TNR: variants seen among roughly 807,000 people sequenced by gnomAD.
TNR encodes the protein tenascin-R.
TNR carries 45 observed loss-of-function variants against 150.4 expected under a neutral mutation model. That is an observed-to-expected ratio of 0.30 (90% CI 0.24 to 0.38). The LOEUF (loss-of-function observed/expected upper bound fraction) is 0.38, where lower values mean the gene tolerates loss of function less well. Among genes scored for constraint, TNR ranks in the 10% least tolerant of loss-of-function variants. The probability of loss-of-function intolerance (pLI) is 1.00; values close to 1 mark genes in which losing one functional copy is unlikely to be tolerated. For missense variants in TNR, 1,544 were observed against 1,759.1 expected (o/e 0.88, Z 2.19); for synonymous variants, 687 against 678.4 (o/e 1.01, Z -0.20).
At chr1:175,705,611 G>A (rs754786601) in intron 1 of TNR, among the ~76,000 whole-genome samples, 10 of 151,946 alleles carry the variant, frequency 6.6e-5, no homozygotes, top group Admixed American at 1.3e-4. Context: ...GTGTGCGTGC[G>A]TGTGTGTGTA....
At chr1:175,666,405 C>T (rs2101899840) in intron 1 of TNR, among the ~76,000 whole-genome samples, 1 of 152,318 alleles carries the variant, frequency 6.6e-6, no homozygotes, top group East Asian at 1.9e-4. Flanking sequence ...CCCCAGTCTC[C>T]AAACCACCAG....
At chr1:175,389,227 T>C (rs1300558243) in intron 7 of TNR, among the ~76,000 whole-genome samples, 2 of 152,210 alleles carry the variant, frequency 1.3e-5, no homozygotes, top group Non-Finnish European at 2.9e-5. Flanking sequence ...GCAAGGTCTT[T>C]CTGACCATCT....
intron 2 of TNR, among the ~76,000 whole-genome samples, chr1:175,455,697 G>A (rs966553346): frequency 6.6e-6 from 1 of 152,206 alleles, no homozygotes; most frequent in Admixed American, 6.5e-5. Context: ...CAGACAAAAT[G>A]GGAGACATTC....
At chr1:175,411,673 T>C (rs1184506207) in intron 2 of TNR, among the ~76,000 whole-genome samples, 1 of 151,684 alleles carries the variant, frequency 6.6e-6, no homozygotes, top group Non-Finnish European at 1.5e-5. Context: ...TTTCTTCATA[T>C]AGTTGTCTTC....
chr1:175,495,765 A>T (rs1658460042), intron 2 of TNR, among the ~76,000 whole-genome samples: 1 of 152,214 alleles, frequency 6.6e-6, no homozygotes, highest in Admixed American at 6.5e-5. Context: ...GCAGAGTGGT[A>T]CTCATGATAT....
chr1:175,442,173 T>G (rs1655819511), intron 2 of TNR, among the ~76,000 whole-genome samples: 1 of 152,182 alleles, frequency 6.6e-6, no homozygotes, highest in Non-Finnish European at 1.5e-5. Context: ...ATTGACCTCC[T>G]TTTTTTAATA....
intron 1 of TNR, among the ~76,000 whole-genome samples, chr1:175,696,217 G>GTTTTTT (rs5778870): frequency 1.7e-4 from 7 of 40,458 alleles, no homozygotes; most frequent in African/African-American, 5.3e-4. Context: ...CCTTCCTGTA[G>GTTTTTT]TTTTTTTTTT....
chr1:175,554,016 T>G (rs1182025048), intron 1 of TNR, among the ~76,000 whole-genome samples: 1 of 152,138 alleles, frequency 6.6e-6, no homozygotes, highest in Non-Finnish European at 1.5e-5. Context: ...CAGGCCACCT[T>G]TCTTCTCTCA....
chr1:175,361,407 C>G (rs1030288533), intron 14 of TNR, among the ~76,000 whole-genome samples: 1 of 152,138 alleles, frequency 6.6e-6, no homozygotes, highest in Non-Finnish European at 1.5e-5. Flanking sequence ...CTGGCCAACA[C>G]TTGTTGATAT....
Position 175,468,823 on chromosome 1 carries a change from G to A in TNR, c.-64+59446C>T, listed in dbSNP as rs187389330. Among the ~76,000 whole-genome samples, 173 of 152,148 alleles carry A rather than the reference G, an allele frequency of 1.1e-3. 1 individual carries two copies. The highest frequency in any genetic ancestry group is 4.0e-3 in the African/African-American group (166 of 41,502). On this transcript the variant is annotated intron_variant, in intron 2 of 22. Transcript: ENST00000367674. ...GTGGGGCCAGCCTGGTAGTCAGGATGGGGACTTTTCTTTCAGTAGTAAAAG... is the reference window on the plus strand; with the variant it reads ...GTGGGGCCAGCCTGGTAGTCAGGATAGGGACTTTTCTTTCAGTAGTAAAAG...
intron 1 of TNR, among the ~76,000 whole-genome samples, chr1:175,591,270 C>T (rs998954895): frequency 6.6e-6 from 1 of 152,134 alleles, no homozygotes; most frequent in Non-Finnish European, 1.5e-5. Context: ...GGCTCTGTGT[C>T]CCTGGGACAT....
intron 1 of TNR, among the ~76,000 whole-genome samples, chr1:175,537,261 C>A (rs1313347088): frequency 6.6e-6 from 1 of 152,138 alleles, no homozygotes; most frequent in East Asian, 1.9e-4. Flanking sequence ...AAAAATGAGG[C>A]CAAAAATGAA....
At chr1:175,439,110 T>C (rs1571440725) in intron 2 of TNR, among the ~76,000 whole-genome samples, 1 of 152,116 alleles carries the variant, frequency 6.6e-6, no homozygotes, top group South Asian at 2.1e-4. Context: ...CATCACGCTA[T>C]CTGACGTCAA....
intron 2 of TNR, among the ~76,000 whole-genome samples, chr1:175,426,769 TAA>T (rs1491257644): frequency 6.9e-6 from 1 of 145,558 alleles, no homozygotes; most frequent in Non-Finnish European, 1.5e-5. Context: ...TGTGTGTGTA[TAA>T]ATATATATAC....
intron 1 of TNR, among the ~76,000 whole-genome samples, chr1:175,678,043 A>G (rs1665916590): frequency 6.6e-6 from 1 of 151,858 alleles, no homozygotes; most frequent in African/African-American, 2.4e-5. Flanking sequence ...AGCTGTTCCT[A>G]ATGGGCATCA....
chr1:175,711,884 G>C (rs971208683), intron 1 of TNR, among the ~76,000 whole-genome samples: 1 of 152,214 alleles, frequency 6.6e-6, no homozygotes, highest in Non-Finnish European at 1.5e-5. Context: ...TAGAATATAA[G>C]TTCAGTTTTG....
chr1:175,324,457 C>G lies in TNR; in HGVS notation c.3856G>C (p.Ala1286Pro). Reference protein sequence around the residue: ...FSTEDRDNDVAVTNCAMSYKG... With the variant: ...FSTEDRDNDVPVTNCAMSYKG... ...TACGACATGGCACAGTTAGTCACTG[C>G]AACATCATTGTCTCTATCCTCTGTG... Residue 1286 changes from alanine to proline, a missense_variant, in exon 22 of 23, where the codon GCA becomes CCA. By Grantham distance (27) the Ala-to-Pro change is conservative. Transcript: ENST00000367674. 6.2e-7 allele frequency: 1 copy of G among 1,614,154 alleles called. No individual in the cohort carries two copies. Among genetic ancestry groups the G allele is most frequent in the Non-Finnish European group, 8.5e-7 (1 of 1,180,026 alleles).
rs77876199 is a variant in TNR, at chr1:175,665,519, C to T, written c.-165+77707G>A. ...AGGACAGCCGAGGGACAGCAAGGGA[C>T]CCAGAGAATGTTCCTTTTTATCAGG... On this transcript the variant is annotated intron_variant, in intron 1 of 22. Transcript: ENST00000367674. 7.9e-5 allele frequency among the ~76,000 whole-genome samples: 12 copies of T among 152,260 alleles called. No individual in the cohort carries two copies. In the East Asian group the frequency reaches 2.1e-3, roughly 27 times the overall value.
chr1:175,391,637 C>G (rs1292933933), intron 6 of TNR, among the ~76,000 whole-genome samples, 199 bp from the exon 7 acceptor site: 1 of 152,204 alleles, frequency 6.6e-6, no homozygotes, highest in Non-Finnish European at 1.5e-5. Context: ...TGACACCACC[C>G]TATGAGGATT....
Sources: gnomAD v4.1 joint callset for allele counts (sites outside exome capture counted in the v4.1 genomes callset) on GRCh38, gnomAD v4.1.1 for gene constraint, MANE v1.5 for transcripts, NCBI Gene and HGNC (gene_info 2026-07-23, HGNC 2026-07-21) for gene names.